Variants in PCSK6 observed in about 807,000 individuals in gnomAD.
PCSK6 encodes the protein proprotein convertase subtilisin/kexin type 6, also known as paired basic amino acid cleaving enzyme 4.
PCSK6 carries 85 observed loss-of-function variants against 123.3 expected under a neutral mutation model. That is an observed-to-expected ratio of 0.69 (90% confidence interval 0.58 to 0.83). The LOEUF (loss-of-function observed/expected upper bound fraction) is 0.83. Ranked by LOEUF, PCSK6 falls within the 40% of genes least tolerant of loss-of-function variation. The pLI, the probability that PCSK6 is intolerant of heterozygous loss-of-function variation, is 0.00. For synonymous variants in PCSK6, 508 were observed against 516.0 expected (o/e 0.98, Z 0.21); for missense variants, 1,191 against 1,282.3 (o/e 0.93, Z 1.09).
chr15:101,431,491 C>T, intron 3 of PCSK6, 28 bp from the exon 4 acceptor site: 2 of 1,612,898 alleles, frequency 1.2e-6, no homozygotes, highest in Non-Finnish European at 1.7e-6. Flanking sequence ...ACAAAGTCCC[C>T]CCGACATGGA....
At position 101,323,718 on chromosome 15, in the gene PCSK6, G is replaced by A. The variant is rs573546938; in HGVS notation, c.2378-1111C>T. ...ACTGCACTCCAGCCTGGGAGACAGT[G>A]AGACTCCATCTCGAAAAAAAAAAAA... On this transcript the variant is annotated intron_variant, in intron 17 of 21. Transcript: ENST00000611716. Among the ~76,000 whole-genome samples the A allele has an allele frequency of 7.7e-4, 109 of 141,018 alleles. 1 individual carries two copies. Among genetic ancestry groups the A allele is most frequent in the Non-Finnish European group, 5.6e-4 (37 of 65,820 alleles). The allele number at this position is 141,018 out of a possible 152,430, so 92.5% of individuals were successfully genotyped here.
intron 19 of PCSK6, among the ~76,000 whole-genome samples, chr15:101,317,280 C>T (rs574832998): frequency 1.2e-4 from 18 of 152,226 alleles, no homozygotes; most frequent in Non-Finnish European, 2.5e-4. Flanking sequence ...TTAGAAAGGA[C>T]CAAAGTACCA....
chr15:101,325,158 T>C lies in PCSK6; in HGVS notation c.2181-112A>G, dbSNP rs2040222175. On this transcript the variant is annotated intron_variant, in intron 16 of 21. Transcript: ENST00000611716. ...AGGCTTCAGGAGTGAATGTCAAACA[T>C]GATGCCCTTTGTCTTGGTGAGTGCA... The C allele has an allele frequency of 8.5e-6, 6 of 707,226 alleles. No individual in the cohort carries two copies. In the Admixed American group the frequency reaches 1.7e-4, roughly 20 times the overall value. The allele number at this position is 707,226 out of a possible 1,614,324, so 43.8% of individuals were successfully genotyped here. A position where few individuals can be genotyped will look rare whatever the true frequency, so the allele number is the denominator to read the frequency against.
At chr15:101,396,710 C>T (rs552278993) in intron 7 of PCSK6, among the ~76,000 whole-genome samples, 1 of 152,126 alleles carries the variant, frequency 6.6e-6, no homozygotes, top group African/African-American at 2.4e-5. Context: ...AGCCTTGGGC[C>T]TGGCTTAGGT....
chr15:101,333,349 C>A (rs1251366187), intron 13 of PCSK6, among the ~76,000 whole-genome samples: 1 of 152,208 alleles, frequency 6.6e-6, no homozygotes, highest in Non-Finnish European at 1.5e-5. Context: ...AACACATGCA[C>A]ACACATGTTC....
At chr15:101,370,171 T>C (rs80166890) in intron 12 of PCSK6, among the ~76,000 whole-genome samples, 164 bp downstream of exon 12, 118 of 152,290 alleles carry the variant, frequency 7.7e-4, no homozygotes, top group African/African-American at 2.7e-3. Context: ...GGGGCCTACA[T>C]GCAAGGGTCT....
In PCSK6 at chr15:101,328,875, G is replaced by A. The variant is rs117000864; in HGVS notation, c.2078-2396C>T. 5.5e-3 allele frequency among the ~76,000 whole-genome samples: 836 copies of A among 152,328 alleles called. 25 individuals carry two copies. In the East Asian group the frequency reaches 0.069, roughly 13 times the overall value. ...TCCAGGTTCCTCTCGCCCATGAAGCGTTCTTAAATTAAATCCACCTTGCTG... is the reference window on the plus strand; with the variant it reads ...TCCAGGTTCCTCTCGCCCATGAAGCATTCTTAAATTAAATCCACCTTGCTG... On this transcript the variant is annotated intron_variant, in intron 15 of 21. Coordinates refer to ENST00000611716, the MANE Select transcript of PCSK6 (RefSeq NM_002570.5).
intron 8 of PCSK6, 104 bp from the exon 9 acceptor site, chr15:101,389,668 C>T (rs1395562798): frequency 5.8e-6 from 5 of 862,328 alleles, no homozygotes; most frequent in Non-Finnish European, 9.2e-6. Flanking sequence ...CAAGCGTGAC[C>T]CTGGGTCTCG....
intron 18 of PCSK6, among the ~76,000 whole-genome samples, chr15:101,320,314 AGCCTC>A (rs2040089970): frequency 6.6e-6 from 1 of 152,108 alleles, no homozygotes; most frequent in Non-Finnish European, 1.5e-5. Context: ...TCGAACTCCT[AGCCTC>A]AAGTGATCTG....
chr15:101,366,380 G>A, intron 12 of PCSK6, 48 bp from the exon 13 acceptor site: 1 of 1,577,892 alleles, frequency 6.3e-7, no homozygotes, highest in Non-Finnish European at 8.6e-7. Context: ...GGTACTGAGT[G>A]GCTGGGCGGA....
chr15:101,369,131 C>A (rs1002638257), intron 12 of PCSK6, among the ~76,000 whole-genome samples: 3 of 152,116 alleles, frequency 2.0e-5, no homozygotes, highest in African/African-American at 7.2e-5. Flanking sequence ...GTGCCGGGCC[C>A]GCCACCTGCT....
chr15:101,477,269 G>A (rs1439791169), intron 1 of PCSK6, among the ~76,000 whole-genome samples: 2 of 149,604 alleles, frequency 1.3e-5, no homozygotes, highest in East Asian at 3.9e-4. Flanking sequence ...CTGTGTGTCT[G>A]TGTGTGTGTG....
chr15:101,465,820 TAA>T (rs1220434532), intron 1 of PCSK6, among the ~76,000 whole-genome samples: 1 of 152,104 alleles, frequency 6.6e-6, no homozygotes, highest in Non-Finnish European at 1.5e-5. Flanking sequence ...AAAAAAATTT[TAA>T]GAGAAGTATA....
chr15:101,424,457 T>C (rs889089731), intron 6 of PCSK6, among the ~76,000 whole-genome samples: 6 of 152,150 alleles, frequency 3.9e-5, no homozygotes, highest in African/African-American at 1.4e-4. Flanking sequence ...CAGATAAAAT[T>C]GGAGAGAATT....
intron 13 of PCSK6, among the ~76,000 whole-genome samples, chr15:101,333,255 C>T (rs1279650705): frequency 6.6e-6 from 1 of 152,156 alleles, no homozygotes; most frequent in South Asian, 2.1e-4. Context: ...TGTGACCTGC[C>T]CAAGGACAGC....
In PCSK6 at chr15:101,398,692, G is replaced by A; in HGVS notation, c.824-116C>T. 1 of 1,140,434 alleles carries A rather than the reference G, an allele frequency of 8.8e-7. No homozygotes were observed. The highest frequency in any genetic ancestry group is 1.6e-5 in the South Asian group (1 of 61,884). 70.6% of individuals were successfully genotyped at this position (1,140,434 alleles called of 1,614,324 possible). A position where few individuals can be genotyped will look rare whatever the true frequency, so the allele number is the denominator to read the frequency against. On this transcript the variant is annotated intron_variant, in intron 6 of 21. Coordinates refer to ENST00000611716, the MANE Select transcript of PCSK6 (RefSeq NM_002570.5). This position sits in a 1 kb window ranked among gnomAD's most constrained non-coding sequence, Gnocchi z 4.6. ...CGCATCACAGAGTCCCTCCCCAGCA[G>A]GGGCTGTTCCCAGTCATTCTGCAAA...
At chr15:101,478,567 C>T (rs1163262836) in intron 1 of PCSK6, among the ~76,000 whole-genome samples, 1 of 152,192 alleles carries the variant, frequency 6.6e-6, no homozygotes, top group Non-Finnish European at 1.5e-5. Context: ...TTCCTTTCCT[C>T]TTGTTCTTCT....
chr15:101,431,374 GACC>G lies in PCSK6; in HGVS notation c.600_602del (p.Val201del), dbSNP rs1478014880. ...TCTCTATGCCATCATCAAGGATGGT[GACC>G]ACCACGTTTTTTCCTGTGTAGCCCC... On this transcript the variant is annotated inframe_deletion, in exon 4 of 22. Coordinates refer to ENST00000611716, the MANE Select transcript of PCSK6 (RefSeq NM_002570.5). 1.2e-6 allele frequency: 2 copies of G among 1,613,958 alleles called. No individual in the cohort carries two copies. The highest frequency in any genetic ancestry group is 1.7e-6 in the Non-Finnish European group (2 of 1,179,852).
At chr15:101,337,704 C>A (rs757786146) in intron 13 of PCSK6, among the ~76,000 whole-genome samples, 1 of 152,210 alleles carries the variant, frequency 6.6e-6, no homozygotes, top group Non-Finnish European at 1.5e-5. Context: ...AGCCTAGAGG[C>A]ATCACGGGGG....
Sources: allele counts gnomAD v4.1 joint callset (sites outside exome capture counted in the v4.1 genomes callset), GRCh38; gene constraint gnomAD v4.1.1; non-coding constraint Gnocchi (gnomAD v3.1); transcripts MANE v1.5; gene names NCBI Gene and HGNC (gene_info 2026-07-23, HGNC 2026-07-21).